WNT5A: variants seen among roughly 807,000 people sequenced by gnomAD.
The protein encoded by WNT5A is protein Wnt-5a.
WNT5A carries 9 observed loss-of-function variants against 42.1 expected under a neutral mutation model. The ratio of observed to expected loss-of-function variants is 0.21; its 90% CI spans 0.13 to 0.37. The LOEUF (loss-of-function observed/expected upper bound fraction) is 0.37. Among genes scored for constraint, WNT5A ranks in the 10% least tolerant of loss-of-function variants. The pLI, the probability that WNT5A is intolerant of heterozygous loss-of-function variation, is 1.00. For synonymous variants in WNT5A, 210 were observed against 210.0 expected, an observed-to-expected ratio of 1.00 and a Z score of 0.00; for missense variants, 426 against 534.0, an observed-to-expected ratio of 0.80 and a Z score of 1.99.
rs1390415485 is a variant in WNT5A at position 55,467,202 on chromosome 3, T to C, written c.*2890A>G. On this transcript the variant is annotated 3_prime_UTR_variant, in exon 5 of 5. Transcript: ENST00000264634. ...AGTGGTAAACACACAAAAAAATACA[T>C]TTTTTTGGACTAAAAATCTGGTCAC... The C allele has an allele frequency of 6.6e-6, 1 of 152,390 alleles. No individual in the cohort carries two copies. The highest frequency in any genetic ancestry group is 2.4e-5 in the African/African-American group (1 of 41,420). The allele number at this position is 152,390 out of a possible 1,614,324, so 9.4% of individuals were successfully genotyped here. A position where few individuals can be genotyped will look rare whatever the true frequency, so the allele number is the denominator to read the frequency against.
intron 1 of WNT5A, among the ~76,000 whole-genome samples, chr3:55,485,667 G>A (rs2051564654): frequency 6.6e-6 from 1 of 152,134 alleles, no homozygotes; most frequent in African/African-American, 2.4e-5. Flanking sequence ...AAGGTGGCTG[G>A]GGGGAGGGCA....
At chr3:55,488,709 G>A (rs1351223114), upstream of WNT5A, among the ~76,000 whole-genome samples, 4 of 152,024 alleles carry the variant, frequency 2.6e-5, no homozygotes, top group African/African-American at 9.7e-5. Context: ...CCTGCCTGCC[G>A]CCTGGTTGTC....
At chr3:55,488,198 G>A (rs1471751393), upstream of WNT5A, 2 of 152,568 alleles carry the variant, frequency 1.3e-5, no homozygotes, top group South Asian at 1.9e-4. Context: ...GGAAGGGCTC[G>A]CTGGGCAGCT....
At chr3:55,484,836 T>C (rs963608587) in intron 1 of WNT5A, among the ~76,000 whole-genome samples, 6 of 152,116 alleles carry the variant, frequency 3.9e-5, no homozygotes, top group Non-Finnish European at 8.8e-5. Context: ...AATGAAATGA[T>C]AGTCCAACCC....
chr3:55,480,754 G>A (rs1274356776), intron 2 of WNT5A, 31 bp downstream of exon 2: 2 of 1,494,772 alleles, frequency 1.3e-6, no homozygotes, highest in East Asian at 2.5e-5. Flanking sequence ...AGAAAAAGAA[G>A]AGGAAGAACA....
intron 2 of WNT5A, 116 bp downstream of exon 2, chr3:55,480,669 G>T: frequency 9.1e-7 from 1 of 1,100,584 alleles, no homozygotes; most frequent in Non-Finnish European, 1.2e-6. Context: ...GTATACATAT[G>T]TCTTGCAATA....
the WNT5A span, among the ~76,000 whole-genome samples, chr3:55,499,930 G>A: frequency 6.6e-6 from 1 of 150,620 alleles, no homozygotes; most frequent in African/African-American, 2.5e-5. Context: ...AGCCGAGATA[G>A]AGCCACTGCA....
intron 2 of WNT5A, 23 bp downstream of exon 2, chr3:55,480,762 A>G: frequency 6.6e-7 from 1 of 1,515,828 alleles, no homozygotes; most frequent in Non-Finnish European, 8.8e-7. Flanking sequence ...AAGAGGAAGA[A>G]CACGCACATA....
chr3:55,487,754 C>T (rs1347217436), upstream of WNT5A: 1 of 152,358 alleles, frequency 6.6e-6, no homozygotes, highest in Non-Finnish European at 1.5e-5. Context: ...GGAGATGCCG[C>T]TGAAAACGCA....
At chr3:55,500,947 A>G in the WNT5A span, among the ~76,000 whole-genome samples, 1 of 152,246 alleles carries the variant, frequency 6.6e-6, no homozygotes, top group Admixed American at 6.5e-5. Context: ...AAAAAGAGGT[A>G]GAACGTTTTC....
In WNT5A at chr3:55,487,213, G is replaced by A; in HGVS notation, c.-228C>T. On this transcript the variant is annotated 5_prime_UTR_variant, in exon 1 of 5. Coordinates refer to ENST00000264634, the MANE Select transcript of WNT5A (RefSeq NM_003392.7). ...CTGGGATGCGCCCAGGAATGGAGGGGGCGCGGACGCGCGCGAGCCGGCAGC... is the reference window on the plus strand; with the variant it reads ...CTGGGATGCGCCCAGGAATGGAGGGAGCGCGGACGCGCGCGAGCCGGCAGC... 2.0e-6 allele frequency: 1 copy of A among 505,084 alleles called. No individual in the cohort carries two copies. Among genetic ancestry groups the A allele is most frequent in the South Asian group, 3.2e-5 (1 of 31,222 alleles). The allele number at this position is 505,084 out of a possible 1,614,324, so 31.3% of individuals were successfully genotyped here. A position where few individuals can be genotyped will look rare whatever the true frequency, so the allele number is the denominator to read the frequency against.
intron 4 of WNT5A, among the ~76,000 whole-genome samples, chr3:55,472,884 T>G (rs2051279271): frequency 6.6e-6 from 1 of 152,146 alleles, no homozygotes; most frequent in Admixed American, 6.5e-5. Flanking sequence ...CAAATGAAAT[T>G]GTTATTTTGT....
upstream of WNT5A, chr3:55,489,910 C>G (rs956989933): frequency 2.0e-5 from 3 of 152,408 alleles, no homozygotes; most frequent in Non-Finnish European, 2.9e-5. Context: ...CGCCCTTCCC[C>G]CTCTCCCTTG....
chr3:55,497,590 T>G, the WNT5A span: 1 of 152,250 alleles, frequency 6.6e-6, no homozygotes, highest in East Asian at 1.9e-4. Context: ...CTCCCTCTAG[T>G]CTGTGCTGAG....
chr3:55,498,763 A>C, the WNT5A span, among the ~76,000 whole-genome samples: 1 of 151,846 alleles, frequency 6.6e-6, no homozygotes, highest in Non-Finnish European at 1.5e-5. Context: ...TAACAGAGAT[A>C]GTCTCAGGAT....
the WNT5A span, among the ~76,000 whole-genome samples, chr3:55,503,154 C>T: frequency 7.9e-5 from 12 of 152,174 alleles, no homozygotes; most frequent in Non-Finnish European, 1.3e-4. Context: ...GGTTATTAAA[C>T]GTGGTCAAGG....
At chr3:55,481,123 T>A in intron 1 of WNT5A, 1 of 689,740 alleles carries the variant, frequency 1.4e-6, no homozygotes, top group African/African-American at 1.9e-5. Flanking sequence ...GAAATCTGAT[T>A]TCGCTGGGAT....
chr3:55,504,674 G>T, the WNT5A span, among the ~76,000 whole-genome samples: 4 of 152,160 alleles, frequency 2.6e-5, no homozygotes, highest in Non-Finnish European at 5.9e-5. Flanking sequence ...ATGTTGGTCA[G>T]GCTGGTCTCA....
chr3:55,467,055 T>C lies in WNT5A; in HGVS notation c.*3037A>G, dbSNP rs1196290199. 1.3e-5 allele frequency: 2 copies of C among 152,206 alleles called. No homozygotes were observed. Among genetic ancestry groups the C allele is most frequent in the Non-Finnish European group, 2.9e-5 (2 of 68,036 alleles). 9.4% of individuals were successfully genotyped at this position (152,206 alleles called of 1,614,324 possible). The stretch of plus-strand genomic sequence containing the variant: ...TGCACTTAACACAATGAACCTTTAG[T>C]TTCCAACCAGTTTTCATTCTCTGCA... On this transcript the variant is annotated 3_prime_UTR_variant, in exon 5 of 5. Coordinates refer to ENST00000264634, the MANE Select transcript of WNT5A (RefSeq NM_003392.7).
Sources: gnomAD v4.1 joint callset for allele counts (sites outside exome capture counted in the v4.1 genomes callset) on GRCh38, gnomAD v4.1.1 for gene constraint, MANE v1.5 for transcripts, NCBI Gene and HGNC (gene_info 2026-07-23, HGNC 2026-07-21) for gene names.